MLIP: variants seen among roughly 807,000 people sequenced by gnomAD.
MLIP encodes muscular LMNA-interacting protein.
In MLIP, 79 loss-of-function variants were observed where a neutral mutation model predicts 84.8. That is an observed-to-expected ratio of 0.93 (90% CI 0.78 to 1.12). MLIP has a LOEUF of 1.12. MLIP is among the 50% of genes most tolerant of loss of function. MLIP has a pLI of 0.00. For synonymous variants in MLIP, 504 were observed against 463.0 expected, an observed-to-expected ratio of 1.09 and a Z score of -1.14; for missense variants, 1,257 against 1,160.6, an observed-to-expected ratio of 1.08 and a Z score of -1.21.
intron 12 of MLIP, among the ~76,000 whole-genome samples, chr6:54,239,822 A>C (rs1413552694): frequency 6.6e-6 from 1 of 151,926 alleles, no homozygotes; most frequent in Non-Finnish European, 1.5e-5. Flanking sequence ...AAATAAAATA[A>C]AGTGTTTTGA....
intron 1 of MLIP, among the ~76,000 whole-genome samples, chr6:54,121,214 A>G (rs1016857399): frequency 2.0e-5 from 3 of 152,136 alleles, no homozygotes; most frequent in Non-Finnish European, 4.4e-5. Context: ...GCCATCCCCT[A>G]CAACAGGATC....
chr6:54,217,565 T>A, intron 11 of MLIP: 1 of 984,500 alleles, frequency 1.0e-6, no homozygotes. Context: ...ACTTGCTTCA[T>A]AAGTTCCTGT....
intron 8 of MLIP, among the ~76,000 whole-genome samples, chr6:54,161,554 T>A (rs544968149): frequency 6.6e-6 from 1 of 152,096 alleles, no homozygotes; most frequent in East Asian, 1.9e-4. Flanking sequence ...CTACTGATTT[T>A]TTTGGTCAGC....
At position 54,137,069 on chromosome 6, in the gene MLIP, T is replaced by G. The variant is rs1451675589; in HGVS notation, c.1000T>G (p.Ser334Ala). ...AGTTCTCAAGAAGACAACTTTAACCTCGCATGTCCTTAGTCACGGAGAAAG... is the reference window on the plus strand; with the variant it reads ...AGTTCTCAAGAAGACAACTTTAACCGCGCATGTCCTTAGTCACGGAGAAAG... ...SEVLKKTTLT[S>A]HVLSHGESPR... The change falls in exon 4 of 14, where the codon TCG becomes GCG. Residue 334 changes from serine to alanine, a missense_variant. Transcript: ENST00000502396. The G allele has an allele frequency of 6.5e-7, 1 of 1,536,076 alleles. No individual in the cohort carries two copies. Among genetic ancestry groups the G allele is most frequent in the East Asian group, 2.4e-5 (1 of 40,912 alleles).
chr6:54,070,193 G>C (rs940795709), intron 1 of MLIP, among the ~76,000 whole-genome samples: 2 of 152,126 alleles, frequency 1.3e-5, no homozygotes, highest in Non-Finnish European at 2.9e-5. Flanking sequence ...TGTGACAGCT[G>C]TCCAGCTTAC....
intron 11 of MLIP, among the ~76,000 whole-genome samples, chr6:54,205,423 C>T (rs1778970109): frequency 6.6e-6 from 1 of 152,208 alleles, no homozygotes. Flanking sequence ...CTGCCTTGTA[C>T]TGGGGACAGT....
In MLIP at chr6:54,138,036, A is replaced by C; in HGVS notation, c.1967A>C (p.Asn656Thr). 1 of 1,535,788 alleles carries C rather than the reference A, an allele frequency of 6.5e-7. No homozygotes were observed. Among genetic ancestry groups the C allele is most frequent in the Non-Finnish European group, 8.7e-7 (1 of 1,146,810 alleles). ...AGTGCTGACTTTGCCTCTCTTCCCA[A>C]CTTGAGGTCCTCCTCTCTCCCTCAT... ...VSSADFASLP[N>T]LRSSSLPHAN... The change falls in exon 4 of 14, where the codon AAC (asparagine) becomes ACC (threonine). Residue 656 changes from asparagine (N) to threonine (T), a missense_variant. Coordinates refer to ENST00000502396, the MANE Select transcript of MLIP (RefSeq NM_001281747.2).
chr6:54,032,881 T>C (rs1426653387), intron 1 of MLIP, among the ~76,000 whole-genome samples: 1 of 152,210 alleles, frequency 6.6e-6, no homozygotes, highest in Non-Finnish European at 1.5e-5. Flanking sequence ...TTGGTATCTA[T>C]CAATAATTGT....
intron 12 of MLIP, among the ~76,000 whole-genome samples, chr6:54,247,346 A>C (rs374821795): frequency 6.6e-6 from 1 of 152,154 alleles, no homozygotes; most frequent in Non-Finnish European, 1.5e-5. Flanking sequence ...AAACCATCAT[A>C]GCTGTTAGTT....
intron 1 of MLIP, among the ~76,000 whole-genome samples, chr6:54,115,215 T>A (rs548318935): frequency 2.6e-5 from 4 of 152,288 alleles, no homozygotes; most frequent in Non-Finnish European, 4.4e-5. Context: ...TTTACCTTCC[T>A]GGTTCAGAAA....
At position 54,064,105 on chromosome 6, in the gene MLIP, A is replaced by AGC; in HGVS notation, c.63+45014_63+45015insGC. ...ATTCAGATGTATGGGAATAATTTTG[A>AGC]CTTAAAATTAAGAGACTGAGAAATG... On this transcript the variant is annotated intron_variant, in intron 1 of 12. Coordinates refer to the MLIP transcript ENST00000274897. Among the ~76,000 whole-genome samples, 2 of 100,032 alleles carry AGC rather than the reference A, an allele frequency of 2.0e-5. 1 individual carries two copies. Among genetic ancestry groups the AGC allele is most frequent in the Non-Finnish European group, 5.7e-5 (2 of 34,844 alleles). 65.6% of individuals were successfully genotyped at this position (100,032 alleles called of 152,430 possible).
At chr6:54,062,295 A>G (rs1333960264) in intron 1 of MLIP, among the ~76,000 whole-genome samples, 2 of 152,006 alleles carry the variant, frequency 1.3e-5, no homozygotes, top group South Asian at 2.1e-4. Context: ...TGATGTCCTT[A>G]TTAGCCCACC....
At chr6:54,201,117 A>G (rs1778647224) in intron 10 of MLIP, among the ~76,000 whole-genome samples, 1 of 152,178 alleles carries the variant, frequency 6.6e-6, no homozygotes, top group Non-Finnish European at 1.5e-5. Context: ...CGGGGTAACA[A>G]GATTTTGGTG....
intron 11 of MLIP, chr6:54,216,090 C>T: frequency 2.3e-6 from 2 of 882,842 alleles, no homozygotes; most frequent in Non-Finnish European, 2.7e-6. Context: ...TCGGTTGTTG[C>T]CATATCTAAT....
intron 8 of MLIP, among the ~76,000 whole-genome samples, chr6:54,164,662 C>A (rs767103376): frequency 8.6e-5 from 13 of 151,896 alleles, no homozygotes; most frequent in Admixed American, 6.6e-5. Context: ...CTTATCTTTT[C>A]ATGTGTTCTT....
intron 1 of MLIP, chr6:54,046,519 A>T (rs1765062851): frequency 6.6e-6 from 1 of 152,214 alleles, no homozygotes; most frequent in African/African-American, 2.4e-5. Context: ...TTCTACCTTT[A>T]AACATGCTAA....
chr6:54,194,790 G>A (rs1562043429), intron 10 of MLIP, among the ~76,000 whole-genome samples: 1 of 151,306 alleles, frequency 6.6e-6, no homozygotes, highest in Non-Finnish European at 1.5e-5. Context: ...AAAAACTGAA[G>A]TTTAAATATC....
At chr6:54,160,865 C>G in intron 8 of MLIP, 66 bp downstream of exon 8, 1 of 1,329,838 alleles carries the variant, frequency 7.5e-7, no homozygotes, top group Non-Finnish European at 1.1e-6. Context: ...TTCCAAACTG[C>G]AAGTCAAGGT....
chr6:54,117,521 A>G (rs1770046958), intron 1 of MLIP, among the ~76,000 whole-genome samples: 1 of 151,506 alleles, frequency 6.6e-6, no homozygotes, highest in African/African-American at 2.4e-5. Context: ...GCCCACTCTC[A>G]CTATTTCTAT....
Sources: gnomAD v4.1 joint callset for allele counts (sites outside exome capture counted in the v4.1 genomes callset) on GRCh38, gnomAD v4.1.1 for gene constraint, MANE v1.5 for transcripts, NCBI Gene and HGNC (gene_info 2026-07-23, HGNC 2026-07-21) for gene names.